Variants in TMEM128 observed in about 807,000 individuals in gnomAD.
The protein encoded by TMEM128 is transmembrane protein 128.
In TMEM128, 16 loss-of-function variants were observed where a neutral mutation model predicts 19.7. The observed-to-expected ratio is 0.81, with a 90% CI of 0.55 to 1.23. The LOEUF is 1.23. Among genes scored for constraint, TMEM128 ranks in the 50% most tolerant of loss-of-function variants. The pLI, the probability that TMEM128 is intolerant of heterozygous loss-of-function variation, is 0.00. For synonymous variants in TMEM128, 98 were observed against 75.8 expected (o/e 1.29, Z -1.52); for missense variants, 237 against 200.8 (o/e 1.18, Z -1.09).
At chr4:4,247,968 G>T in intron 1 of TMEM128, 138 bp downstream of exon 1, 3 of 1,440,560 alleles carry the variant, frequency 2.1e-6, no homozygotes, top group Non-Finnish European at 1.8e-6. Context: ...GCGATTCTAA[G>T]GATCTTCCCT....
At chr4:4,247,764 C>T (rs1718250415) in intron 1 of TMEM128, 2 of 1,507,376 alleles carry the variant, frequency 1.3e-6, no homozygotes, top group African/African-American at 1.4e-5. Flanking sequence ...TCCAGTAATT[C>T]GCTATTACAA....
chr4:4,244,826 C>T (rs952755351), intron 2 of TMEM128, among the ~76,000 whole-genome samples: 1 of 152,208 alleles, frequency 6.6e-6, no homozygotes, highest in Non-Finnish European at 1.5e-5. Flanking sequence ...TCCAGTTCTT[C>T]ATCACACACT....
chr4:4,246,161 C>G, intron 2 of TMEM128, 41 bp downstream of exon 2: 1 of 1,562,552 alleles, frequency 6.4e-7, no homozygotes, highest in Non-Finnish European at 8.6e-7. Flanking sequence ...CACGAAAAAT[C>G]AGACTTGGGT....
chr4:4,248,155 G>T lies in TMEM128; in HGVS notation c.48C>A (p.Leu16=). The T allele has an allele frequency of 1.3e-6, 2 of 1,534,682 alleles. No individual in the cohort carries two copies. The highest frequency in any genetic ancestry group is 1.8e-6 in the Non-Finnish European group (2 of 1,142,086). The change falls in exon 1 of 5, where the codon CTC becomes CTA. Residue 16 remains leucine, a synonymous_variant. Coordinates refer to ENST00000382753, the MANE Select transcript of TMEM128 (RefSeq NM_001297551.2). ...CCAGCTGGGCCTCGGCGTCCGGCAG[G>T]AGGAGGAATCGCCGCCGGAGCTGCT... ...ARQQLRRRFL[L]LPDAEAQLDR...
chr4:4,239,295 G>A (rs1416891934), intron 3 of TMEM128, among the ~76,000 whole-genome samples: 4 of 152,126 alleles, frequency 2.6e-5, no homozygotes, highest in South Asian at 2.1e-4. Flanking sequence ...TAAATATAAC[G>A]AAGTCCAACA....
intron 2 of TMEM128, among the ~76,000 whole-genome samples, chr4:4,243,362 G>A (rs2980105): frequency 0.099 from 15,138 of 152,206 alleles, 1,870 homozygotes; most frequent in African/African-American, 0.28. Context: ...GATTACAGGC[G>A]TGAGCCACCG....
intron 1 of TMEM128, among the ~76,000 whole-genome samples, chr4:4,246,744 T>C (rs1225499055): frequency 1.4e-5 from 2 of 146,898 alleles, no homozygotes; most frequent in African/African-American, 2.5e-5. Context: ...AGAACACTTT[T>C]ATAACTAAAT....
chr4:4,242,875 C>T (rs767674948), intron 2 of TMEM128, among the ~76,000 whole-genome samples: 2 of 152,070 alleles, frequency 1.3e-5, no homozygotes, highest in Admixed American at 6.6e-5. Context: ...CAGTGGTCCT[C>T]GGCCCTGGCT....
rs182198139 is a variant in TMEM128 at position 4,247,836 on chromosome 4, T to C, written c.97+270A>G. ...CACTGCGGTACACGCATGTTTCTGGTAAATCCTTAAGACTTAAAACTGGTG... is the reference window on the plus strand; with the variant it reads ...CACTGCGGTACACGCATGTTTCTGGCAAATCCTTAAGACTTAAAACTGGTG... On this transcript the variant is annotated intron_variant, in intron 1 of 4. Coordinates refer to ENST00000382753, the MANE Select transcript of TMEM128 (RefSeq NM_001297551.2). 665 of 1,434,200 alleles carry C rather than the reference T, an allele frequency of 4.6e-4. 1 individual carries two copies. The highest frequency in any genetic ancestry group is 1.4e-3 in the Admixed American group (47 of 34,286). 88.8% of individuals were successfully genotyped at this position (1,434,200 alleles called of 1,614,324 possible).
chr4:4,246,681 G>C (rs997496796), intron 1 of TMEM128, among the ~76,000 whole-genome samples: 3 of 152,102 alleles, frequency 2.0e-5, no homozygotes, highest in Non-Finnish European at 4.4e-5. Context: ...TTGTTAATTA[G>C]GAAAAATGCC....
chr4:4,241,678 G>T (rs896173589), intron 2 of TMEM128, among the ~76,000 whole-genome samples: 9 of 152,148 alleles, frequency 5.9e-5, no homozygotes, highest in East Asian at 1.9e-4. Context: ...GAGGGAAGGG[G>T]TTAAGAGCAC....
chr4:4,246,451 C>A, intron 1 of TMEM128, 108 bp from the exon 2 acceptor site: 1 of 1,144,166 alleles, frequency 8.7e-7, no homozygotes, highest in Non-Finnish European at 1.2e-6. Context: ...CAGTCTCTCC[C>A]ATGATAACAA....
chr4:4,244,982 T>C (rs943933778), intron 2 of TMEM128, among the ~76,000 whole-genome samples: 9 of 152,186 alleles, frequency 5.9e-5, no homozygotes, highest in African/African-American at 1.9e-4. Flanking sequence ...GGCTTTTTCC[T>C]TGTGGCTCGA....
chr4:4,242,670 C>T (rs1192479022), intron 2 of TMEM128, among the ~76,000 whole-genome samples: 5 of 152,000 alleles, frequency 3.3e-5, no homozygotes, highest in Non-Finnish European at 1.5e-5. Flanking sequence ...AGGTGCCCAA[C>T]ACCACACCCA....
At chr4:4,238,370 GA>G (rs2108814902) in intron 3 of TMEM128, among the ~76,000 whole-genome samples, 2 of 152,234 alleles carry the variant, frequency 1.3e-5, no homozygotes, top group Non-Finnish European at 2.9e-5. Flanking sequence ...CTTTCATTGA[GA>G]AAAACACTAT....
intron 2 of TMEM128, 73 bp downstream of exon 2, chr4:4,246,129 G>A: frequency 2.0e-6 from 3 of 1,490,684 alleles, no homozygotes; most frequent in Non-Finnish European, 2.7e-6. Context: ...ACTGTTTGAA[G>A]AATTCAACTA....
At chr4:4,244,199 G>A (rs4018324) in intron 2 of TMEM128, among the ~76,000 whole-genome samples, 46,926 of 151,978 alleles carry the variant, frequency 0.31, 7,843 homozygotes, top group East Asian at 0.46. Context: ...CCTCCAGCCA[G>A]GTGCAGTGGC....
intron 3 of TMEM128, among the ~76,000 whole-genome samples, chr4:4,239,732 T>A (rs1484993768): frequency 6.6e-6 from 1 of 152,100 alleles, no homozygotes; most frequent in Non-Finnish European, 1.5e-5. Flanking sequence ...TGAAGATGAG[T>A]CACTGTTCCC....
intron 4 of TMEM128, 108 bp downstream of exon 4, chr4:4,237,719 T>G (rs1377615644): frequency 1.5e-6 from 1 of 659,338 alleles, no homozygotes; most frequent in African/African-American, 1.8e-5. Flanking sequence ...TAAACATGAC[T>G]GAAAATAATT....
Sources: gnomAD v4.1 joint callset for allele counts (sites outside exome capture counted in the v4.1 genomes callset) on GRCh38, gnomAD v4.1.1 for gene constraint, MANE v1.5 for transcripts, NCBI Gene and HGNC (gene_info 2026-07-23, HGNC 2026-07-21) for gene names.